The following SLC24A2 variants were observed in gnomAD, a reference collection of about 807,000 sequenced individuals.
The protein encoded by SLC24A2 is solute carrier family 24 member 2, also known as sodium/potassium/calcium exchanger 2.
A neutral mutation model predicts 62.0 loss-of-function variants in SLC24A2; 36 were observed. The observed-to-expected ratio is 0.58, with a 90% CI of 0.44 to 0.77. The LOEUF is 0.77. Ranked by LOEUF, SLC24A2 falls within the 30% of genes least tolerant of loss-of-function variation. The pLI, the probability that SLC24A2 is intolerant of heterozygous loss-of-function variation, is 0.00. For missense variants in SLC24A2, 846 were observed against 817.9 expected, an observed-to-expected ratio of 1.03 and a Z score of -0.42; for synonymous variants, 358 against 294.0, an observed-to-expected ratio of 1.22 and a Z score of -2.23.
At chr9:19,986,152 T>C in the SLC24A2 span, among the ~76,000 whole-genome samples, 3 of 152,106 alleles carry the variant, frequency 2.0e-5, no homozygotes, top group South Asian at 4.1e-4. Context: ...CCAAAAGATA[T>C]ACAAATGACC....
chr9:19,663,194 G>T (rs1819152351), intron 2 of SLC24A2, among the ~76,000 whole-genome samples: 1 of 152,302 alleles, frequency 6.6e-6, no homozygotes, highest in East Asian at 1.9e-4. Context: ...TTACAGATTA[G>T]GAAAAAGAGG....
the SLC24A2 span, among the ~76,000 whole-genome samples, chr9:20,056,298 T>C: frequency 4.6e-5 from 7 of 152,242 alleles, no homozygotes; most frequent in East Asian, 1.4e-3. Context: ...AGAAAATCTA[T>C]AAATGACTAT....
At chr9:20,122,352 G>T in the SLC24A2 span, among the ~76,000 whole-genome samples, 1 of 152,118 alleles carries the variant, frequency 6.6e-6, no homozygotes, top group Admixed American at 6.6e-5. Context: ...ATTGCATTTC[G>T]ATCCCAATGT....
chr9:19,837,772 T>A, the SLC24A2 span, among the ~76,000 whole-genome samples: 1 of 151,848 alleles, frequency 6.6e-6, no homozygotes, highest in Non-Finnish European at 1.5e-5. Flanking sequence ...TATATACCAA[T>A]AACAGACAAA....
chr9:19,732,676 G>T (rs76119136), intron 2 of SLC24A2, among the ~76,000 whole-genome samples: 2 of 152,058 alleles, frequency 1.3e-5, no homozygotes, highest in African/African-American at 4.8e-5. Context: ...TGTCTGTGCT[G>T]GTTCTCCCTC....
the SLC24A2 span, among the ~76,000 whole-genome samples, chr9:19,971,116 C>T: frequency 6.6e-6 from 1 of 152,152 alleles, no homozygotes; most frequent in African/African-American, 2.4e-5. Flanking sequence ...TAGCCATAAG[C>T]ATGTATTTGC....
the SLC24A2 span, among the ~76,000 whole-genome samples, chr9:20,183,831 G>C: frequency 1.3e-5 from 2 of 152,292 alleles, no homozygotes; most frequent in East Asian, 3.9e-4. Flanking sequence ...AGGTTCAGAA[G>C]AGTGTAGATC....
the SLC24A2 span, among the ~76,000 whole-genome samples, chr9:19,886,883 T>A: frequency 1.3e-5 from 2 of 151,924 alleles, no homozygotes; most frequent in Non-Finnish European, 2.9e-5. Flanking sequence ...TAAAAAGGAA[T>A]GAGACCATGT....
chr9:20,290,828 G>T, the SLC24A2 span, among the ~76,000 whole-genome samples: 1 of 152,212 alleles, frequency 6.6e-6, no homozygotes, highest in Non-Finnish European at 1.5e-5. Context: ...GGCAAGGGAT[G>T]GAGTCCTCAG....
chr9:20,230,178 G>C, the SLC24A2 span, among the ~76,000 whole-genome samples: 13 of 152,096 alleles, frequency 8.5e-5, no homozygotes, highest in African/African-American at 2.9e-4. Flanking sequence ...AGGGTGAATA[G>C]TGCCACTATA....
chr9:20,186,039 G>A, the SLC24A2 span, among the ~76,000 whole-genome samples: 2 of 152,110 alleles, frequency 1.3e-5, no homozygotes, highest in Admixed American at 1.3e-4. Flanking sequence ...GTATTGTTTA[G>A]GAGCCTTGGA....
the SLC24A2 span, among the ~76,000 whole-genome samples, chr9:20,190,771 C>T: frequency 6.6e-6 from 1 of 152,154 alleles, no homozygotes; most frequent in African/African-American, 2.4e-5. Context: ...TCTGGCTTTG[C>T]TACTTAGCAA....
chr9:20,175,921 T>C, the SLC24A2 span, among the ~76,000 whole-genome samples: 2 of 151,954 alleles, frequency 1.3e-5, no homozygotes, highest in Non-Finnish European at 2.9e-5. Flanking sequence ...GTTAGAGAAA[T>C]ACTAAGGTCT....
chr9:19,556,507 G>C (rs1325816325), intron 7 of SLC24A2, among the ~76,000 whole-genome samples: 1 of 152,178 alleles, frequency 6.6e-6, no homozygotes, highest in East Asian at 1.9e-4. Context: ...CCTAATTCAA[G>C]TTCAGTTTTA....
At chr9:19,976,510 C>T in the SLC24A2 span, among the ~76,000 whole-genome samples, 1 of 152,186 alleles carries the variant, frequency 6.6e-6, no homozygotes, top group Non-Finnish European at 1.5e-5. Flanking sequence ...CTGTAAATTT[C>T]CTGAGGCCTC....
At chr9:19,962,356 G>A in the SLC24A2 span, among the ~76,000 whole-genome samples, 1 of 152,138 alleles carries the variant, frequency 6.6e-6, no homozygotes, top group Admixed American at 6.6e-5. Context: ...GGCTCTTTTT[G>A]GTTCCATATG....
rs1832900170 is a variant in SLC24A2 at position 19,515,853 on chromosome 9, T to C, written c.*300A>G. 2.4e-6 allele frequency: 1 copy of C among 415,386 alleles called. No homozygotes were observed. Among genetic ancestry groups the C allele is most frequent in the Non-Finnish European group, 4.5e-6 (1 of 220,776 alleles). 25.7% of individuals were successfully genotyped at this position (415,386 alleles called of 1,614,324 possible). A position where few individuals can be genotyped will look rare whatever the true frequency, so the allele number is the denominator to read the frequency against. ...TTATAGATATATATAGCCTGTGTCC[T>C]TGTTTGCATCGACTGTACCTCCGAC... On this transcript the variant is annotated 3_prime_UTR_variant, in exon 11 of 11. Transcript: ENST00000341998.
At chr9:20,092,405 T>C in the SLC24A2 span, among the ~76,000 whole-genome samples, 2 of 152,140 alleles carry the variant, frequency 1.3e-5, no homozygotes, top group Non-Finnish European at 2.9e-5. Flanking sequence ...CCAACGCAAA[T>C]TCATAAACTT....
chr9:20,297,686 A>G, the SLC24A2 span, among the ~76,000 whole-genome samples: 1 of 152,218 alleles, frequency 6.6e-6, no homozygotes, highest in East Asian at 1.9e-4. Context: ...TCTCAGATGC[A>G]ACACGGGTGG....
Sources: allele counts gnomAD v4.1 joint callset (sites outside exome capture counted in the v4.1 genomes callset), GRCh38; gene constraint gnomAD v4.1.1; transcripts MANE v1.5; gene names NCBI Gene and HGNC (gene_info 2026-07-23, HGNC 2026-07-21).